The following NYAP2 variants were observed in gnomAD, a reference collection of about 807,000 sequenced individuals.
NYAP2 encodes neuronal tyrosine-phosphorylated phosphoinositide-3-kinase adaptor 2, also known as neuronal tyrosine-phosphorylated phosphoinositide-3-kinase adapter 2.
A neutral mutation model predicts 50.4 loss-of-function variants in NYAP2; 23 were observed. The ratio of observed to expected loss-of-function variants is 0.46; its 90% CI spans 0.33 to 0.65. The LOEUF is 0.65. Among genes scored for constraint, NYAP2 ranks in the 30% least tolerant of loss-of-function variants. The pLI, the probability that NYAP2 is intolerant of heterozygous loss-of-function variation, is 0.02. For missense variants in NYAP2, 885 were observed against 861.0 expected, an observed-to-expected ratio of 1.03 and a Z score of -0.35; for synonymous variants, 394 against 365.2, an observed-to-expected ratio of 1.08 and a Z score of -0.90.
At chr2:225,587,806 G>A (rs1437565750) in intron 5 of NYAP2, among the ~76,000 whole-genome samples, 1 of 140,638 alleles carries the variant, frequency 7.1e-6, no homozygotes, top group Non-Finnish European at 1.5e-5. Flanking sequence ...ATTATTAAAA[G>A]AGAAATGATG....
At chr2:225,408,530 G>A (rs1694977535) in intron 2 of NYAP2, among the ~76,000 whole-genome samples, 1 of 151,954 alleles carries the variant, frequency 6.6e-6, no homozygotes, top group African/African-American at 2.4e-5. Context: ...CCTTCTTTGT[G>A]TGAAAACACA....
chr2:225,683,008 T>C, the NYAP2 span, among the ~76,000 whole-genome samples: 1 of 119,806 alleles, frequency 8.3e-6, no homozygotes, highest in South Asian at 2.2e-4. Context: ...GTAATAGTCA[T>C]TTCCCCCCCC....
At chr2:225,639,309 T>C (rs1693483852) in intron 6 of NYAP2, among the ~76,000 whole-genome samples, 2 of 152,334 alleles carry the variant, frequency 1.3e-5, no homozygotes, top group African/African-American at 4.8e-5. Flanking sequence ...ACCTGAGTTG[T>C]GGAATTTAAG....
At chr2:225,678,755 GA>G in the NYAP2 span, among the ~76,000 whole-genome samples, 1 of 152,122 alleles carries the variant, frequency 6.6e-6, no homozygotes, top group African/African-American at 2.4e-5. Context: ...ACTAACTTAT[GA>G]AATGCATTGC....
intron 4 of NYAP2, among the ~76,000 whole-genome samples, chr2:225,524,477 C>A (rs983948655): frequency 6.6e-6 from 1 of 152,178 alleles, no homozygotes; most frequent in Non-Finnish European, 1.5e-5. Context: ...TCTCTTTTGG[C>A]AACACCCTCA....
downstream of NYAP2, among the ~76,000 whole-genome samples, chr2:225,656,264 G>C (rs1693823567): frequency 6.6e-6 from 1 of 151,982 alleles, no homozygotes; most frequent in Admixed American, 6.5e-5. Flanking sequence ...GATCTCTGTG[G>C]GTCCTGTGTT....
chr2:225,538,967 A>C (rs949589330), intron 4 of NYAP2, among the ~76,000 whole-genome samples: 8 of 151,576 alleles, frequency 5.3e-5, no homozygotes, highest in African/African-American at 1.9e-4. Context: ...TCTACATTAG[A>C]TATTTCTCCT....
At chr2:225,480,709 G>A (rs1299047739) in intron 3 of NYAP2, among the ~76,000 whole-genome samples, 1 of 152,064 alleles carries the variant, frequency 6.6e-6, no homozygotes, top group Non-Finnish European at 1.5e-5. Flanking sequence ...TATTTAAGCA[G>A]GAGAATTACA....
intron 3 of NYAP2, among the ~76,000 whole-genome samples, chr2:225,429,061 T>C (rs1695326791): frequency 6.6e-6 from 1 of 152,146 alleles, no homozygotes; most frequent in Non-Finnish European, 1.5e-5. Flanking sequence ...TAAGAAATTC[T>C]CCAAAATCAT....
the NYAP2 span, among the ~76,000 whole-genome samples, chr2:225,689,106 T>G: frequency 1.4e-4 from 21 of 152,158 alleles, no homozygotes; most frequent in African/African-American, 5.1e-4. Context: ...ATTAGGAGCT[T>G]GAAATAAGCT....
At chr2:225,487,575 G>A (rs769931524) in intron 3 of NYAP2, among the ~76,000 whole-genome samples, 3 of 151,984 alleles carry the variant, frequency 2.0e-5, no homozygotes, top group Non-Finnish European at 4.4e-5. Context: ...GGCCAGGCTG[G>A]TCTTGAACTC....
chr2:225,479,207 C>T (rs1361313514), intron 3 of NYAP2, among the ~76,000 whole-genome samples: 1 of 152,140 alleles, frequency 6.6e-6, no homozygotes, highest in African/African-American at 2.4e-5. Flanking sequence ...TCTCTCTACT[C>T]TTCAGCCAGA....
In NYAP2 at chr2:225,590,988, G is replaced by A. The variant is rs115014364; in HGVS notation, c.1618+7953G>A. Reference sequence around the variant, plus strand: ...AGAACCACTGATAAAAGCTGCTTCAGACAGGAGCTGGTGCTGCTGGTCCAG... The same window carrying A: ...AGAACCACTGATAAAAGCTGCTTCAAACAGGAGCTGGTGCTGCTGGTCCAG... On this transcript the variant is annotated intron_variant, in intron 5 of 6. Coordinates refer to ENST00000636099, the Ensembl canonical transcript of NYAP2. Among the ~76,000 whole-genome samples the A allele has an allele frequency of 3.3e-3, 498 of 152,300 alleles. 6 individuals carry two copies. Among genetic ancestry groups the A allele is most frequent in the African/African-American group, 0.011 (476 of 41,544 alleles).
At position 225,582,969 on chromosome 2, in the gene NYAP2, T is replaced by G; in HGVS notation, c.1552T>G (p.Phe518Val). ...CCCGCTGGAGGAGCTGACCAGCCTC[T>G]TCTCCTCCGGCCGCAGCCTGCTGCG... The change falls in exon 5 of 7, where the codon TTC (phenylalanine) becomes GTC (valine). Residue 518 changes from phenylalanine to valine, a missense_variant. Physicochemically the swap from Phe to Val is conservative, Grantham distance 50. Coordinates refer to ENST00000636099, the Ensembl canonical transcript of NYAP2. This position sits in a 1 kb window ranked among gnomAD's most constrained non-coding sequence, Gnocchi z 7.0. 1 of 1,612,514 alleles carries G rather than the reference T, an allele frequency of 6.2e-7. No homozygotes were observed. Among genetic ancestry groups the G allele is most frequent in the South Asian group, 1.1e-5 (1 of 91,022 alleles).
At chr2:225,501,439 A>G (rs941498738) in intron 3 of NYAP2, among the ~76,000 whole-genome samples, 3 of 152,210 alleles carry the variant, frequency 2.0e-5, no homozygotes, top group Admixed American at 1.3e-4. Flanking sequence ...GCATGTAAAT[A>G]ATGTATAAAA....
chr2:225,474,834 C>T lies in NYAP2; in HGVS notation c.222-38537C>T, dbSNP rs549952354. Among the ~76,000 whole-genome samples the T allele has an allele frequency of 1.5e-4, 23 of 152,344 alleles. No homozygotes were observed. In the South Asian group the frequency reaches 4.6e-3, roughly 30 times the overall value. ...TCCTGCCTGATGGCCCTGGCCAAAA[C>T]TTCCAACACTATGTTGAATAGGAGT... On this transcript the variant is annotated intron_variant, in intron 3 of 6. Transcript: ENST00000636099.
intron 3 of NYAP2, among the ~76,000 whole-genome samples, chr2:225,465,117 T>G (rs1271915091): frequency 6.6e-6 from 1 of 152,110 alleles, no homozygotes; most frequent in Non-Finnish European, 1.5e-5. Flanking sequence ...AAATAGCAAA[T>G]TTCCTTAGGT....
At chr2:225,694,305 T>C in the NYAP2 span, among the ~76,000 whole-genome samples, 1 of 151,870 alleles carries the variant, frequency 6.6e-6, no homozygotes, top group Non-Finnish European at 1.5e-5. Context: ...ACACATCTTT[T>C]TTTTTTCTTT....
At position 225,613,337 on chromosome 2, in the gene NYAP2, G is replaced by A. The variant is rs78485844; in HGVS notation, c.1619-13580G>A. On this transcript the variant is annotated intron_variant, in intron 5 of 6. Transcript: ENST00000636099. Reference sequence around the variant, plus strand: ...TGAAAGCCAGAAGACTCATCAAGCCGGCTTATCCCAGCTATTTCCACTTGC... The same window carrying A: ...TGAAAGCCAGAAGACTCATCAAGCCAGCTTATCCCAGCTATTTCCACTTGC... 5.6e-3 allele frequency among the ~76,000 whole-genome samples: 845 copies of A among 152,154 alleles called. 8 individuals are homozygous for A. The highest frequency in any genetic ancestry group is 0.018 in the African/African-American group (762 of 41,502).
Sources: allele counts gnomAD v4.1 joint callset (sites outside exome capture counted in the v4.1 genomes callset), GRCh38; gene constraint gnomAD v4.1.1; non-coding constraint Gnocchi (gnomAD v3.1); transcripts MANE v1.5; gene names NCBI Gene and HGNC (gene_info 2026-07-23, HGNC 2026-07-21).